The following NFAM1 variants were observed in gnomAD, a reference collection of about 807,000 sequenced individuals.
The protein encoded by NFAM1 is NFAT activating protein with ITAM motif 1.
Under a neutral mutation model 29.0 loss-of-function variants are expected in NFAM1, and 17 were observed. The ratio of observed to expected loss-of-function variants is 0.59; its 90% CI spans 0.40 to 0.88. The LOEUF (loss-of-function observed/expected upper bound fraction) is 0.88. Among genes scored for constraint, NFAM1 ranks in the 40% least tolerant of loss-of-function variants. The probability of loss-of-function intolerance (pLI) is 0.00; values close to 1 mark genes in which losing one functional copy is unlikely to be tolerated. For missense variants in NFAM1, 324 were observed against 344.6 expected (o/e 0.94, Z 0.47); for synonymous variants, 175 against 147.2 (o/e 1.19, Z -1.36).
intron 1 of NFAM1, among the ~76,000 whole-genome samples, chr22:42,416,250 C>T (rs372624808): frequency 6.6e-6 from 1 of 152,120 alleles, no homozygotes; most frequent in African/African-American, 2.4e-5. Flanking sequence ...GCAGGAGGAT[C>T]GCTTGAGCCC....
upstream of NFAM1, among the ~76,000 whole-genome samples, chr22:42,433,142 GT>G (rs1239100502): frequency 2.0e-5 from 3 of 152,208 alleles, no homozygotes; most frequent in African/African-American, 7.2e-5. Flanking sequence ...GACAGGAATT[GT>G]TTGCTGCCGG....
At chr22:42,433,093 T>C (rs1341389614), upstream of NFAM1, among the ~76,000 whole-genome samples, 1 of 152,182 alleles carries the variant, frequency 6.6e-6, no homozygotes, top group Admixed American at 6.5e-5. Flanking sequence ...TGGCTGCAGG[T>C]CACAGCCCCT....
chr22:42,427,175 C>T (rs2146557294), intron 1 of NFAM1, among the ~76,000 whole-genome samples: 1 of 152,248 alleles, frequency 6.6e-6, no homozygotes, highest in East Asian at 1.9e-4. Flanking sequence ...GTCCTGTTGC[C>T]CACGTCCCCA....
At chr22:42,398,506 G>A (rs1023787405) in intron 3 of NFAM1, among the ~76,000 whole-genome samples, 5 of 151,610 alleles carry the variant, frequency 3.3e-5, no homozygotes, top group African/African-American at 7.3e-5. Context: ...TCTGCCTCCC[G>A]GGTTCAAGCG....
chr22:42,410,039 A>T (rs1930030098), intron 2 of NFAM1, among the ~76,000 whole-genome samples: 1 of 152,076 alleles, frequency 6.6e-6, no homozygotes, highest in African/African-American at 2.4e-5. Context: ...CACCCCATCC[A>T]TCCATCCGAC....
chr22:42,419,090 G>A lies in NFAM1; in HGVS notation c.122-7354C>T, dbSNP rs1391830614. On this transcript the variant is annotated intron_variant, in intron 1 of 5. Coordinates refer to ENST00000329021, the MANE Select transcript of NFAM1 (RefSeq NM_145912.8). The surrounding 1 kb of genome is among the most constrained non-coding windows in gnomAD (Gnocchi z 4.5). Reference sequence around the variant, plus strand: ...GCTATCCTCCCACACCTGGCGCGGGGACCACATGCCGAGTGAGTCCCTGGC... The same window carrying A: ...GCTATCCTCCCACACCTGGCGCGGGAACCACATGCCGAGTGAGTCCCTGGC... Among the ~76,000 whole-genome samples the A allele has an allele frequency of 6.6e-6, 1 of 152,190 alleles. No homozygotes were observed. Among genetic ancestry groups the A allele is most frequent in the Non-Finnish European group, 1.5e-5 (1 of 68,032 alleles).
intron 1 of NFAM1, among the ~76,000 whole-genome samples, chr22:42,424,191 G>A (rs923481070): frequency 4.3e-4 from 65 of 152,234 alleles, no homozygotes; most frequent in African/African-American, 1.4e-3. Context: ...CAAGGCGGGC[G>A]GATCACAACG....
intron 1 of NFAM1, among the ~76,000 whole-genome samples, chr22:42,429,449 C>T (rs1930726482): frequency 6.6e-6 from 1 of 152,056 alleles, no homozygotes; most frequent in African/African-American, 2.4e-5. Context: ...AAACCTGACT[C>T]TACTAAAAAT....
chr22:42,385,892 C>G (rs1312034625), intron 5 of NFAM1, among the ~76,000 whole-genome samples: 1 of 152,144 alleles, frequency 6.6e-6, no homozygotes, highest in Non-Finnish European at 1.5e-5. Flanking sequence ...GCCAGGCGCC[C>G]GCACTCCCTG....
At chr22:42,428,313 G>GA (rs1328618715) in intron 1 of NFAM1, among the ~76,000 whole-genome samples, 1 of 152,272 alleles carries the variant, frequency 6.6e-6, no homozygotes, top group African/African-American at 2.4e-5. Flanking sequence ...CCTGTGCCTC[G>GA]AAAGTCCTTT....
intron 4 of NFAM1, 112 bp from the exon 5 acceptor site, chr22:42,387,190 G>A: frequency 1.7e-6 from 1 of 591,964 alleles, no homozygotes; most frequent in Non-Finnish European, 2.9e-6. Context: ...CCCAGGGGAG[G>A]GTGAAGCCCA....
chr22:42,418,353 C>T (rs1277198771), intron 1 of NFAM1, among the ~76,000 whole-genome samples: 2 of 152,158 alleles, frequency 1.3e-5, no homozygotes. Flanking sequence ...CTGCCTTTCC[C>T]CAGGGACAAG....
At chr22:42,412,922 T>C (rs1930143045) in intron 1 of NFAM1, among the ~76,000 whole-genome samples, 1 of 152,158 alleles carries the variant, frequency 6.6e-6, no homozygotes, top group Non-Finnish European at 1.5e-5. Context: ...CCCCCACTCA[T>C]CAGAGGCACC....
intron 4 of NFAM1, among the ~76,000 whole-genome samples, chr22:42,390,255 G>A (rs954528985): frequency 2.0e-5 from 3 of 152,084 alleles, no homozygotes; most frequent in Non-Finnish European, 2.9e-5. Context: ...GCTGGGCCCC[G>A]TGGAAACCCG....
chr22:42,402,225 G>A (rs1052798149), intron 3 of NFAM1, among the ~76,000 whole-genome samples: 21 of 152,214 alleles, frequency 1.4e-4, no homozygotes, highest in African/African-American at 5.1e-4. Context: ...TGGGGAGAGA[G>A]AAGAGCCGAG....
At chr22:42,414,415 T>C (rs1489480411) in intron 1 of NFAM1, among the ~76,000 whole-genome samples, 1 of 151,688 alleles carries the variant, frequency 6.6e-6, no homozygotes, top group African/African-American at 2.4e-5. Flanking sequence ...AGGGTAGGCA[T>C]ATAGAGATGG....
At chr22:42,411,019 C>CTTTTTTTTTTTTTTTTTT (rs138369373) in intron 2 of NFAM1, among the ~76,000 whole-genome samples, 7 of 121,754 alleles carry the variant, frequency 5.7e-5, no homozygotes, top group African/African-American at 1.3e-4. Flanking sequence ...CTTTTCTTTT[C>CTTTTTTTTTTTTTTTTTT]TTTTTTTTTT....
chr22:42,393,309 G>A (rs1338245223), intron 4 of NFAM1, among the ~76,000 whole-genome samples: 2 of 152,076 alleles, frequency 1.3e-5, no homozygotes, highest in East Asian at 1.9e-4. Flanking sequence ...CCAGCTAATC[G>A]GGAGGTTGTG....
At chr22:42,435,654 G>A (rs541720595), upstream of NFAM1, among the ~76,000 whole-genome samples, 2 of 152,060 alleles carry the variant, frequency 1.3e-5, no homozygotes, top group South Asian at 2.1e-4. Context: ...GCTGGTCTCT[G>A]TTTTCAGTTT....
Sources: allele counts gnomAD v4.1 joint callset (sites outside exome capture counted in the v4.1 genomes callset), GRCh38; gene constraint gnomAD v4.1.1; non-coding constraint Gnocchi (gnomAD v3.1); transcripts MANE v1.5; gene names NCBI Gene and HGNC (gene_info 2026-07-23, HGNC 2026-07-21).